RNF180: variants seen among roughly 807,000 people sequenced by gnomAD.
The protein encoded by RNF180 is E3 ubiquitin-protein ligase RNF180.
In RNF180, 38 loss-of-function variants were observed where a neutral mutation model predicts 59.2. The observed-to-expected ratio is 0.64, with a 90% CI of 0.50 to 0.84. The LOEUF is 0.84. Ranked by LOEUF, RNF180 falls within the 40% of genes least tolerant of loss-of-function variation. The probability of loss-of-function intolerance (pLI) is 0.00; values close to 1 mark genes in which losing one functional copy is unlikely to be tolerated. For synonymous variants in RNF180, 262 were observed against 240.3 expected, an observed-to-expected ratio of 1.09 and a Z score of -0.84; for missense variants, 705 against 700.9, an observed-to-expected ratio of 1.01 and a Z score of -0.07.
At chr5:64,268,629 A>C (rs1237879291) in intron 5 of RNF180, among the ~76,000 whole-genome samples, 1 of 152,190 alleles carries the variant, frequency 6.6e-6, no homozygotes, top group Non-Finnish European at 1.5e-5. Flanking sequence ...TAAGATTTTG[A>C]ATCTTTCAAC....
intron 5 of RNF180, among the ~76,000 whole-genome samples, chr5:64,234,763 C>T (rs2112212309): frequency 6.6e-6 from 1 of 151,458 alleles, no homozygotes; most frequent in African/African-American, 2.4e-5. Context: ...CCACGCCTGG[C>T]TAATTTTTTG....
At chr5:64,324,309 C>T (rs992549057) in intron 5 of RNF180, among the ~76,000 whole-genome samples, 3 of 152,194 alleles carry the variant, frequency 2.0e-5, no homozygotes, top group Non-Finnish European at 4.4e-5. Context: ...GGCACACTCA[C>T]ACACACCAAC....
intron 1 of RNF180, among the ~76,000 whole-genome samples, chr5:64,180,136 T>C: frequency 6.6e-6 from 1 of 152,226 alleles, no homozygotes. Context: ...ACCATTTGCT[T>C]ATATTTGCAG....
intron 1 of RNF180, among the ~76,000 whole-genome samples, chr5:64,194,689 T>C (rs1751364497): frequency 6.6e-6 from 1 of 152,214 alleles, no homozygotes; most frequent in Admixed American, 6.5e-5. Context: ...TTTTTAATGA[T>C]CACCATTCAA....
At chr5:64,357,563 C>T (rs957612139) in intron 7 of RNF180, among the ~76,000 whole-genome samples, 6 of 151,740 alleles carry the variant, frequency 4.0e-5, no homozygotes, top group African/African-American at 1.4e-4. Context: ...TTAGGACAGT[C>T]TCAAAAATAT....
In RNF180 at chr5:64,369,829, A is replaced by T; in HGVS notation, c.*15A>T. 7.6e-7 allele frequency: 1 copy of T among 1,318,968 alleles called. No individual in the cohort carries two copies. Among genetic ancestry groups the T allele is most frequent in the Non-Finnish European group, 1.0e-6 (1 of 990,944 alleles). The allele number at this position is 1,318,968 out of a possible 1,614,324, so 81.7% of individuals were successfully genotyped here. A position where few individuals can be genotyped will look rare whatever the true frequency, so the allele number is the denominator to read the frequency against. ...TTCCGTTTTAGGAATTTCATACCTT[A>T]CTACAATTGACCAATCATAAATGAT... On this transcript the variant is annotated 3_prime_UTR_variant, in exon 8 of 8. Transcript: ENST00000389100.
At chr5:64,218,786 T>G (rs981407635) in intron 5 of RNF180, among the ~76,000 whole-genome samples, 6 of 152,204 alleles carry the variant, frequency 3.9e-5, no homozygotes, top group African/African-American at 1.4e-4. Flanking sequence ...GCATGTTTAT[T>G]TAGATTTATA....
At chr5:64,286,641 T>C (rs1159519966) in intron 5 of RNF180, among the ~76,000 whole-genome samples, 1 of 152,276 alleles carries the variant, frequency 6.6e-6, no homozygotes, top group Admixed American at 6.5e-5. Flanking sequence ...ATATTAATCT[T>C]TTCCATTGTG....
In RNF180 at chr5:64,355,646, T is replaced by C. The variant is rs940955559; in HGVS notation, c.1580-13969T>C. Among the ~76,000 whole-genome samples the C allele has an allele frequency of 2.6e-5, 4 of 151,840 alleles. No individual in the cohort carries two copies. The East Asian group carries it at 7.8e-4, about 30-fold the overall frequency. On this transcript the variant is annotated intron_variant, in intron 7 of 7. Coordinates refer to ENST00000389100, the MANE Select transcript of RNF180 (RefSeq NM_001113561.2). ...AGTACAGTGTTCATAATATCAAAAC[T>C]TACTACAAAGCTACAGTAATCAAAA... is the stretch of plus-strand genomic sequence containing the variant.
At chr5:64,274,882 T>TG (rs1243104692) in intron 5 of RNF180, among the ~76,000 whole-genome samples, 6 of 152,054 alleles carry the variant, frequency 3.9e-5, no homozygotes, top group African/African-American at 1.4e-4. Flanking sequence ...TAATTAGCAC[T>TG]GGAGAAATAC....
chr5:64,357,683 A>G (rs556999515), intron 7 of RNF180, among the ~76,000 whole-genome samples: 2 of 151,930 alleles, frequency 1.3e-5, no homozygotes, highest in Non-Finnish European at 2.9e-5. Flanking sequence ...TACCAAAATT[A>G]CAAAAATTAG....
chr5:64,359,824 G>T (rs1469220953), intron 7 of RNF180, among the ~76,000 whole-genome samples: 1 of 152,056 alleles, frequency 6.6e-6, no homozygotes, highest in African/African-American at 2.4e-5. Flanking sequence ...AAGGTGTAAG[G>T]AAGGGATCCA....
intron 5 of RNF180, among the ~76,000 whole-genome samples, chr5:64,219,355 A>G (rs1274008727): frequency 7.0e-6 from 1 of 142,560 alleles, no homozygotes; most frequent in African/African-American, 2.7e-5. Flanking sequence ...CTATTTGCCA[A>G]TCATTTTTGA....
intron 5 of RNF180, among the ~76,000 whole-genome samples, chr5:64,230,837 G>A (rs965353392): frequency 6.6e-6 from 1 of 152,136 alleles, no homozygotes; most frequent in African/African-American, 2.4e-5. Flanking sequence ...ACTTTCTTTG[G>A]AATTTCCACA....
intron 7 of RNF180, among the ~76,000 whole-genome samples, chr5:64,353,352 TAAAC>T (rs1345763707): frequency 2.6e-5 from 4 of 151,712 alleles, no homozygotes; most frequent in South Asian, 2.1e-4. Flanking sequence ...GTAAAACAAA[TAAAC>T]AAAAATTAGA....
intron 5 of RNF180, among the ~76,000 whole-genome samples, chr5:64,253,123 T>G (rs536293370): frequency 1.3e-5 from 2 of 152,232 alleles, no homozygotes; most frequent in South Asian, 4.1e-4. Flanking sequence ...ACAGAGAAAA[T>G]CAGAGCTAAA....
At chr5:64,174,611 T>C (rs189288970) in intron 1 of RNF180, among the ~76,000 whole-genome samples, 39 of 152,320 alleles carry the variant, frequency 2.6e-4, no homozygotes, top group Admixed American at 7.2e-4. Context: ...TTTATATGTC[T>C]TCTTTTGACA....
At chr5:64,346,246 G>GA (rs1382203275) in intron 7 of RNF180, among the ~76,000 whole-genome samples, 2 of 146,404 alleles carry the variant, frequency 1.4e-5, no homozygotes, top group Admixed American at 6.8e-5. Context: ...TTGGCAGATG[G>GA]AAAAAAAATA....
intron 6 of RNF180, among the ~76,000 whole-genome samples, chr5:64,326,051 T>G (rs189547162): frequency 6.6e-6 from 1 of 152,244 alleles, no homozygotes; most frequent in East Asian, 1.9e-4. Flanking sequence ...TGCTAAATAT[T>G]AGGTGGGAAA....
Sources: allele counts gnomAD v4.1 joint callset (sites outside exome capture counted in the v4.1 genomes callset), GRCh38; gene constraint gnomAD v4.1.1; transcripts MANE v1.5; gene names NCBI Gene and HGNC (gene_info 2026-07-23, HGNC 2026-07-21).